TNFRSF19: variants seen among roughly 807,000 people sequenced by gnomAD.
The protein encoded by TNFRSF19 is TNF receptor superfamily member 19.
TNFRSF19 carries 27 observed loss-of-function variants against 46.4 expected under a neutral mutation model. The observed-to-expected ratio is 0.58, with a 90% CI of 0.43 to 0.80. TNFRSF19 has a LOEUF of 0.80. Among genes scored for constraint, TNFRSF19 ranks in the 30% least tolerant of loss-of-function variants. The pLI is 0.00. For missense variants in TNFRSF19, 511 were observed against 530.8 expected (o/e 0.96, Z 0.37); for synonymous variants, 204 against 205.0 (o/e 1.00, Z 0.04).
chr13:23,597,297 T>G (rs916399599), intron 3 of TNFRSF19, among the ~76,000 whole-genome samples: 4 of 151,814 alleles, frequency 2.6e-5, no homozygotes, highest in African/African-American at 9.7e-5. Context: ...AAAAATCAAT[T>G]AATCCAGGAG....
intron 3 of TNFRSF19, among the ~76,000 whole-genome samples, chr13:23,606,176 G>A (rs1880496938): frequency 6.6e-6 from 1 of 152,086 alleles, no homozygotes; most frequent in South Asian, 2.1e-4. Context: ...GATAACAGGT[G>A]CTGTATTTCA....
intron 1 of TNFRSF19, among the ~76,000 whole-genome samples, chr13:23,584,370 C>G (rs1273941580): frequency 6.6e-6 from 1 of 152,192 alleles, no homozygotes; most frequent in African/African-American, 2.4e-5. Context: ...ATAACAGTCT[C>G]CAAACCCATC....
At chr13:23,660,669 C>T (rs757418998) in intron 7 of TNFRSF19, among the ~76,000 whole-genome samples, 179 bp downstream of exon 7, 9 of 152,138 alleles carry the variant, frequency 5.9e-5, no homozygotes, top group Non-Finnish European at 1.2e-4. Flanking sequence ...TTTCGAGTCT[C>T]TTAAGCATTA....
chr13:23,614,746 C>CATACATATATATATATATATATATATAT (rs773633456), intron 3 of TNFRSF19, among the ~76,000 whole-genome samples: 8 of 134,848 alleles, frequency 5.9e-5, no homozygotes, highest in African/African-American at 2.3e-4. Context: ...ATAAGTAATA[C>CATACATATATATATATATATATATATAT]ATATATATAT....
chr13:23,584,057 T>C (rs1462810192), intron 1 of TNFRSF19, among the ~76,000 whole-genome samples: 1 of 152,192 alleles, frequency 6.6e-6, no homozygotes, highest in Non-Finnish European at 1.5e-5. Context: ...TTTGTTGTTG[T>C]TGTTTTTATT....
chr13:23,634,063 T>C (rs989334140), intron 5 of TNFRSF19, among the ~76,000 whole-genome samples: 1 of 152,234 alleles, frequency 6.6e-6, no homozygotes, highest in African/African-American at 2.4e-5. Flanking sequence ...TTAAAAAGTT[T>C]CTTAAACACA....
At chr13:23,597,388 A>G (rs1469590270) in intron 3 of TNFRSF19, among the ~76,000 whole-genome samples, 2 of 152,174 alleles carry the variant, frequency 1.3e-5, no homozygotes, top group East Asian at 1.9e-4. Flanking sequence ...AATCAAATGG[A>G]AACAATAAAA....
intron 5 of TNFRSF19, among the ~76,000 whole-genome samples, chr13:23,655,772 T>C (rs1487909512): frequency 1.3e-5 from 2 of 151,178 alleles, no homozygotes; most frequent in African/African-American, 2.5e-5. Flanking sequence ...TGTTTTGTTT[T>C]TGTTTTTGTT....
At chr13:23,598,799 G>A (rs1879917915) in intron 3 of TNFRSF19, among the ~76,000 whole-genome samples, 1 of 152,200 alleles carries the variant, frequency 6.6e-6, no homozygotes, top group African/African-American at 2.4e-5. Flanking sequence ...GTTACTAGTT[G>A]TGGAGAAGTG....
intron 8 of TNFRSF19, among the ~76,000 whole-genome samples, chr13:23,668,291 T>G (rs1042508012): frequency 6.6e-6 from 1 of 152,230 alleles, no homozygotes; most frequent in African/African-American, 2.4e-5. Flanking sequence ...TACACTTTAC[T>G]CTTCATTAAT....
intron 5 of TNFRSF19, among the ~76,000 whole-genome samples, chr13:23,636,725 C>T (rs966225422): frequency 2.6e-5 from 4 of 152,170 alleles, no homozygotes; most frequent in Admixed American, 6.5e-5. Flanking sequence ...AGGTGCATCA[C>T]GTAGGGCTCC....
intron 5 of TNFRSF19, among the ~76,000 whole-genome samples, chr13:23,642,251 C>T (rs992973939): frequency 6.6e-6 from 1 of 152,110 alleles, no homozygotes; most frequent in African/African-American, 2.4e-5. Context: ...TCACTCATTC[C>T]GTCACGTTTC....
chr13:23,660,945 A>G (rs1884328124), intron 7 of TNFRSF19, among the ~76,000 whole-genome samples: 1 of 152,230 alleles, frequency 6.6e-6, no homozygotes, highest in Admixed American at 6.5e-5. Flanking sequence ...TACACAAACC[A>G]TAATTGCCCC....
At chr13:23,661,247 T>C (rs181411261) in intron 7 of TNFRSF19, among the ~76,000 whole-genome samples, 147 of 152,348 alleles carry the variant, frequency 9.6e-4, no homozygotes, top group Non-Finnish European at 1.8e-3. Flanking sequence ...TTTGTGTTCA[T>C]GTGTTCTCAT....
chr13:23,606,651 T>G (rs945096687), intron 3 of TNFRSF19, among the ~76,000 whole-genome samples: 3 of 152,262 alleles, frequency 2.0e-5, no homozygotes, highest in Non-Finnish European at 4.4e-5. Context: ...AATGAATTTG[T>G]GTATATGTTA....
chr13:23,645,096 G>A (rs747510603), intron 5 of TNFRSF19, among the ~76,000 whole-genome samples: 9 of 152,090 alleles, frequency 5.9e-5, no homozygotes, highest in Non-Finnish European at 1.2e-4. Flanking sequence ...ATTTGGAAGG[G>A]GCTACAATGG....
At chr13:23,646,318 A>G (rs1340646866) in intron 5 of TNFRSF19, among the ~76,000 whole-genome samples, 1 of 152,158 alleles carries the variant, frequency 6.6e-6, no homozygotes, top group Non-Finnish European at 1.5e-5. Flanking sequence ...GCCTTTTTTA[A>G]GTATACAAGT....
intron 1 of TNFRSF19, among the ~76,000 whole-genome samples, chr13:23,573,484 T>C (rs9507120): frequency 3.5e-5 from 4 of 113,732 alleles, no homozygotes; most frequent in Admixed American, 8.7e-5. Flanking sequence ...TGTGTTTGCC[T>C]CTGTGTGTGT....
At chr13:23,616,584 T>C (rs200148014) in intron 4 of TNFRSF19, among the ~76,000 whole-genome samples, 1 of 145,508 alleles carries the variant, frequency 6.9e-6, no homozygotes, top group African/African-American at 2.5e-5. Flanking sequence ...TTGTTTGTTT[T>C]GTTTTGTTCT....
Sources: allele counts gnomAD v4.1 joint callset (sites outside exome capture counted in the v4.1 genomes callset), GRCh38; gene constraint gnomAD v4.1.1; transcripts MANE v1.5; gene names NCBI Gene and HGNC (gene_info 2026-07-23, HGNC 2026-07-21).